PARD3B: variants seen among roughly 807,000 people sequenced by gnomAD.
The protein encoded by PARD3B is par-3 family cell polarity regulator beta.
In PARD3B, 103 loss-of-function variants were observed where a neutral mutation model predicts 130.2. That is an observed-to-expected ratio of 0.79 (90% CI 0.67 to 0.93). The LOEUF (loss-of-function observed/expected upper bound fraction) is 0.93. PARD3B is among the 40% of genes least tolerant of loss of function. The pLI, the probability that PARD3B is intolerant of heterozygous loss-of-function variation, is 0.00. For synonymous variants in PARD3B, 583 were observed against 553.2 expected, an observed-to-expected ratio of 1.05 and a Z score of -0.76; for missense variants, 1,609 against 1,499.2, an observed-to-expected ratio of 1.07 and a Z score of -1.21.
At chr2:205,055,676 C>T (rs1352334230) in intron 4 of PARD3B, among the ~76,000 whole-genome samples, 1 of 152,034 alleles carries the variant, frequency 6.6e-6, no homozygotes, top group African/African-American at 2.4e-5. Flanking sequence ...GGGACTTATC[C>T]ATCCAAACTA....
rs572454315 is a variant in PARD3B at position 205,290,171 on chromosome 2, T to C, written c.2186-10359T>C. 3.3e-5 allele frequency among the ~76,000 whole-genome samples: 5 copies of C among 152,354 alleles called. No homozygotes were observed. The South Asian group carries it at 1.0e-3, about 32-fold the overall frequency. Reference sequence around the variant, plus strand: ...GAATCCAGATAAATCCAGGTGTATGTACGAACAATTTATTTTCTAAAATTT... The same window carrying C: ...GAATCCAGATAAATCCAGGTGTATGCACGAACAATTTATTTTCTAAAATTT... On this transcript the variant is annotated intron_variant, in intron 16 of 22. Coordinates refer to ENST00000406610, the MANE Select transcript of PARD3B (RefSeq NM_001302769.2).
At chr2:205,057,983 G>T (rs1279212191) in intron 4 of PARD3B, among the ~76,000 whole-genome samples, 1 of 151,324 alleles carries the variant, frequency 6.6e-6, no homozygotes, top group African/African-American at 2.4e-5. Flanking sequence ...CATTCACATT[G>T]TTCTGCATCC....
chr2:205,483,843 A>G (rs2049335374), intron 20 of PARD3B, among the ~76,000 whole-genome samples: 2 of 152,144 alleles, frequency 1.3e-5, no homozygotes, highest in South Asian at 4.1e-4. Flanking sequence ...GCTTCTAGCT[A>G]GGGGGCAGTG....
intron 3 of PARD3B, among the ~76,000 whole-genome samples, chr2:205,030,803 G>C (rs540062563): frequency 5.3e-5 from 8 of 152,050 alleles, no homozygotes; most frequent in Admixed American, 2.6e-4. Flanking sequence ...GATTCCTCCC[G>C]TGTTAGTATG....
intron 2 of PARD3B, among the ~76,000 whole-genome samples, chr2:204,827,879 C>A (rs187975020): frequency 6.6e-6 from 1 of 152,326 alleles, no homozygotes; most frequent in Admixed American, 6.5e-5. Context: ...GGATGACTGG[C>A]TGAATGAATG....
intron 2 of PARD3B, among the ~76,000 whole-genome samples, chr2:204,806,488 C>A (rs59155262): frequency 0.012 from 1,823 of 152,216 alleles, 32 homozygotes; most frequent in African/African-American, 0.04. Flanking sequence ...AAAATCAAAT[C>A]AAAATGGATT....
intron 1 of PARD3B, among the ~76,000 whole-genome samples, chr2:204,575,218 C>A (rs895282933): frequency 7.2e-5 from 11 of 152,106 alleles, no homozygotes; most frequent in African/African-American, 2.7e-4. Flanking sequence ...TTTATGCAAA[C>A]AAACATTCAT....
rs986370858 is a variant in PARD3B at position 205,158,247 on chromosome 2, G to T, written c.1435-475G>T. 2.6e-5 allele frequency among the ~76,000 whole-genome samples: 4 copies of T among 152,088 alleles called. No homozygotes were observed. Among genetic ancestry groups the T allele is most frequent in the Admixed American group, 6.6e-5 (1 of 15,266 alleles). On this transcript the variant is annotated intron_variant, in intron 10 of 22. Transcript: ENST00000406610. The surrounding 1 kb of genome is among the most constrained non-coding windows in gnomAD (Gnocchi z 5.4). ...GTGTTGTTTCCATAGTAAATGATAT[G>T]TTTTAAATTATATATGCCCCATATT...
chr2:205,176,621 A>C lies in PARD3B; in HGVS notation c.1924+44A>C, dbSNP rs779682987. ...TATCCACTGCAAATGGAGTGAGAAA[A>C]CACAAAAGTGTCTTTTTATCTAAAA... On this transcript the variant is annotated intron_variant, in intron 13 of 22. Coordinates refer to ENST00000406610, the MANE Select transcript of PARD3B (RefSeq NM_001302769.2). This position sits in a 1 kb window ranked among gnomAD's most constrained non-coding sequence, Gnocchi z 5.3. 64 of 1,511,848 alleles carry C rather than the reference A, an allele frequency of 4.2e-5. No individual in the cohort carries two copies. Among genetic ancestry groups the C allele is most frequent in the Middle Eastern group, 1.7e-4 (1 of 5,728 alleles). The allele number at this position is 1,511,848 out of a possible 1,614,324, so 93.7% of individuals were successfully genotyped here.
intron 2 of PARD3B, among the ~76,000 whole-genome samples, chr2:204,902,601 G>T (rs574429543): frequency 6.7e-6 from 1 of 150,006 alleles, no homozygotes; most frequent in African/African-American, 2.5e-5. Flanking sequence ...CCCGGGAGGC[G>T]GAGCTTGCAG....
At chr2:205,551,045 G>A (rs1402313357) in intron 21 of PARD3B, among the ~76,000 whole-genome samples, 1 of 148,600 alleles carries the variant, frequency 6.7e-6, no homozygotes, top group African/African-American at 2.5e-5. Context: ...CAGGCATGTG[G>A]TCTCCTCAAG....
chr2:205,052,725 C>A (rs1184649040), intron 4 of PARD3B, among the ~76,000 whole-genome samples: 1 of 151,930 alleles, frequency 6.6e-6, no homozygotes, highest in Non-Finnish European at 1.5e-5. Context: ...CACTTCCTCC[C>A]TGCAAATATG....
chr2:205,124,531 G>T (rs1433439156), intron 9 of PARD3B, 65 bp downstream of exon 9: 10 of 1,236,726 alleles, frequency 8.1e-6, no homozygotes, highest in Non-Finnish European at 1.1e-5. Context: ...CCATTTAATT[G>T]CATTGAAATA....
chr2:204,640,507 T>C (rs1223101154), intron 1 of PARD3B, among the ~76,000 whole-genome samples: 1 of 152,206 alleles, frequency 6.6e-6, no homozygotes, highest in Non-Finnish European at 1.5e-5. Flanking sequence ...AGGAACCCTC[T>C]TCAGCATTCT....
At chr2:204,568,954 G>GAAAAAAAAAAAAAA (rs368465299) in intron 1 of PARD3B, among the ~76,000 whole-genome samples, 5 of 143,336 alleles carry the variant, frequency 3.5e-5, no homozygotes, top group African/African-American at 8.1e-5. Context: ...GACTGTCTCA[G>GAAAAAAAAAAAAAA]GAAAAAAAAA....
intron 18 of PARD3B, among the ~76,000 whole-genome samples, chr2:205,315,583 G>C (rs1305280566): frequency 6.6e-6 from 1 of 152,076 alleles, no homozygotes; most frequent in Non-Finnish European, 1.5e-5. Flanking sequence ...CCAGTCCCAG[G>C]GACCTCTAGA....
At chr2:204,686,022 A>AT (rs146116798) in intron 1 of PARD3B, among the ~76,000 whole-genome samples, 159 bp from the exon 2 acceptor site, 1 of 152,152 alleles carries the variant, frequency 6.6e-6, no homozygotes, top group African/African-American at 2.4e-5. Context: ...AATGCCAAGT[A>AT]TTTTTTTCCA....
At chr2:204,751,474 A>G (rs993217225) in intron 2 of PARD3B, among the ~76,000 whole-genome samples, 4 of 152,214 alleles carry the variant, frequency 2.6e-5, no homozygotes, top group African/African-American at 4.8e-5. Flanking sequence ...GGCAAAGAGG[A>G]GAAATATTAG....
intron 18 of PARD3B, among the ~76,000 whole-genome samples, chr2:205,388,211 A>C (rs960279242): frequency 6.6e-5 from 10 of 152,128 alleles, no homozygotes; most frequent in Non-Finnish European, 1.2e-4. Context: ...AATTCCTAGC[A>C]CCGGTTTCTT....
Sources: gnomAD v4.1 joint callset for allele counts (sites outside exome capture counted in the v4.1 genomes callset) on GRCh38, gnomAD v4.1.1 for gene constraint, Gnocchi (gnomAD v3.1) non-coding constraint, MANE v1.5 for transcripts, NCBI Gene and HGNC (gene_info 2026-07-23, HGNC 2026-07-21) for gene names.